The following CNTN5 variants were observed in gnomAD, a reference collection of about 807,000 sequenced individuals.
CNTN5 encodes the protein contactin 5.
Under a neutral mutation model 129.1 loss-of-function variants are expected in CNTN5, and 77 were observed. The observed-to-expected ratio is 0.60, with a 90% confidence interval of 0.50 to 0.72. The LOEUF is 0.72. Among genes scored for constraint, CNTN5 ranks in the 30% least tolerant of loss-of-function variants. CNTN5 has a pLI of 0.00. For missense variants in CNTN5, 1,478 were observed against 1,328.8 expected, an observed-to-expected ratio of 1.11 and a Z score of -1.75; for synonymous variants, 509 against 465.6, an observed-to-expected ratio of 1.09 and a Z score of -1.20.
intron 2 of CNTN5, among the ~76,000 whole-genome samples, chr11:99,416,028 C>T (rs1942642270): frequency 6.6e-6 from 1 of 152,096 alleles, no homozygotes; most frequent in Non-Finnish European, 1.5e-5. Flanking sequence ...CAGCTTGTAC[C>T]TGATTTTCCA....
intron 3 of CNTN5, among the ~76,000 whole-genome samples, chr11:99,663,563 C>T (rs540104658): frequency 2.0e-5 from 3 of 152,224 alleles, no homozygotes; most frequent in East Asian, 1.9e-4. Context: ...TGTCCCCATC[C>T]GAACCTCATC....
intron 1 of CNTN5, among the ~76,000 whole-genome samples, chr11:99,136,875 T>G (rs1184276305): frequency 6.6e-6 from 1 of 152,146 alleles, no homozygotes; most frequent in African/African-American, 2.4e-5. Flanking sequence ...ATTTAATATT[T>G]GTTCAGCATT....
At chr11:99,795,084 A>T (rs192240617) in intron 3 of CNTN5, among the ~76,000 whole-genome samples, 1 of 152,322 alleles carries the variant, frequency 6.6e-6, no homozygotes. Flanking sequence ...TGCTTTCTAT[A>T]CATAATCCCA....
intron 23 of CNTN5, among the ~76,000 whole-genome samples, chr11:100,343,528 G>A (rs929817362): frequency 3.3e-5 from 5 of 152,072 alleles, no homozygotes; most frequent in East Asian, 1.9e-4. Flanking sequence ...TCCTCAGAAC[G>A]CGGGTTTTCA....
intron 3 of CNTN5, among the ~76,000 whole-genome samples, chr11:99,648,768 G>C (rs1952054636): frequency 6.6e-6 from 1 of 151,850 alleles, no homozygotes; most frequent in African/African-American, 2.4e-5. Context: ...TAACATGAAT[G>C]AGCTAGAGGA....
At chr11:100,271,270 T>A (rs1036452057) in intron 18 of CNTN5, 29 bp downstream of exon 18, 2 of 1,557,414 alleles carry the variant, frequency 1.3e-6, no homozygotes, top group Non-Finnish European at 1.7e-6. Context: ...CAGATTGGAT[T>A]TGGTATGCTT....
At chr11:99,826,996 A>G (rs1252279663) in intron 4 of CNTN5, among the ~76,000 whole-genome samples, 1 of 152,174 alleles carries the variant, frequency 6.6e-6, no homozygotes, top group Non-Finnish European at 1.5e-5. Flanking sequence ...ATAATAGTTC[A>G]TCACCCTGTA....
intron 3 of CNTN5, among the ~76,000 whole-genome samples, chr11:99,583,024 G>C (rs1949665516): frequency 6.6e-6 from 1 of 152,198 alleles, no homozygotes; most frequent in Admixed American, 6.5e-5. Context: ...CTCTCTGTTT[G>C]TTAGTTTTCC....
intron 3 of CNTN5, among the ~76,000 whole-genome samples, chr11:99,673,379 G>A (rs1449758817): frequency 6.6e-6 from 1 of 152,148 alleles, no homozygotes; most frequent in Non-Finnish European, 1.5e-5. Flanking sequence ...ATTATACAGA[G>A]TCATGGTACG....
intron 3 of CNTN5, among the ~76,000 whole-genome samples, chr11:99,608,120 A>G (rs912371577): frequency 2.6e-5 from 4 of 151,364 alleles, no homozygotes; most frequent in African/African-American, 9.7e-5. Flanking sequence ...AAAAAATCAC[A>G]GTGTTTGTGA....
chr11:100,003,538 C>T (rs528070819), intron 9 of CNTN5, among the ~76,000 whole-genome samples: 1 of 152,006 alleles, frequency 6.6e-6, no homozygotes, highest in Non-Finnish European at 1.5e-5. Flanking sequence ...AGGCCACAAA[C>T]AAAGGGAGGT....
chr11:99,281,863 T>C (rs928749932), intron 1 of CNTN5, among the ~76,000 whole-genome samples: 10 of 152,166 alleles, frequency 6.6e-5, no homozygotes, highest in Admixed American at 3.3e-4. Flanking sequence ...TGATTAAAGA[T>C]TGAAGGATTT....
intron 3 of CNTN5, among the ~76,000 whole-genome samples, chr11:99,766,845 GA>G (rs968141624): frequency 2.0e-5 from 3 of 151,540 alleles, no homozygotes; most frequent in Admixed American, 1.3e-4. Flanking sequence ...ACTTGACTGG[GA>G]AAAAAAAGAA....
chr11:99,479,404 T>C (rs1031137536), intron 2 of CNTN5, among the ~76,000 whole-genome samples: 2 of 152,074 alleles, frequency 1.3e-5, no homozygotes, highest in African/African-American at 4.8e-5. Context: ...AGAAACCCTT[T>C]GACTGGTTTT....
intron 1 of CNTN5, among the ~76,000 whole-genome samples, chr11:99,250,508 A>G (rs1378796690): frequency 6.6e-6 from 1 of 151,702 alleles, no homozygotes; most frequent in African/African-American, 2.4e-5. Context: ...CTCTAATGAA[A>G]TCAGCTGTAG....
intron 17 of CNTN5, 40 bp downstream of exon 17, chr11:100,255,958 G>A: frequency 1.3e-6 from 2 of 1,581,884 alleles, no homozygotes; most frequent in Non-Finnish European, 8.7e-7. Context: ...AACCAGAGTG[G>A]CCTTCTATCT....
intron 16 of CNTN5, among the ~76,000 whole-genome samples, chr11:100,229,512 C>T (rs1288814252): frequency 6.6e-6 from 1 of 152,116 alleles, no homozygotes. Context: ...AAATTCTGTC[C>T]AAGTGCTAAT....
At chr11:99,866,205 A>G (rs536865138) in intron 6 of CNTN5, among the ~76,000 whole-genome samples, 1 of 152,310 alleles carries the variant, frequency 6.6e-6, no homozygotes, top group East Asian at 1.9e-4. Context: ...ACTTCTGAGT[A>G]CAGAAAACCA....
chr11:99,294,760 G>T (rs1160834568), intron 1 of CNTN5, among the ~76,000 whole-genome samples: 2 of 152,182 alleles, frequency 1.3e-5, no homozygotes, highest in Admixed American at 6.5e-5. Flanking sequence ...GAGCATCACA[G>T]ACACCACTGT....
Sources: allele counts gnomAD v4.1 joint callset (sites outside exome capture counted in the v4.1 genomes callset), GRCh38; gene constraint gnomAD v4.1.1; transcripts MANE v1.5; gene names NCBI Gene and HGNC (gene_info 2026-07-23, HGNC 2026-07-21).